Variants in RORB observed in about 807,000 individuals in gnomAD.
RORB encodes the protein nuclear receptor ROR-beta.
Under a neutral mutation model 59.1 loss-of-function variants are expected in RORB, and 6 were observed. The observed-to-expected ratio is 0.10, with a 90% confidence interval of 0.06 to 0.20. The LOEUF is 0.20. Among genes scored for constraint, RORB ranks in the 10% least tolerant of loss-of-function variants. RORB has a pLI of 1.00. For synonymous variants in RORB, 215 were observed against 204.5 expected (o/e 1.05, Z -0.44); for missense variants, 320 against 560.5 (o/e 0.57, Z 4.33).
At chr9:74,648,125 C>T (rs1823929282) in intron 4 of RORB, among the ~76,000 whole-genome samples, 1 of 152,156 alleles carries the variant, frequency 6.6e-6, no homozygotes, top group Admixed American at 6.5e-5. Context: ...GTAGACCAAA[C>T]TTGCAAGAAA....
At chr9:74,547,082 A>C (rs1826509447) in intron 1 of RORB, among the ~76,000 whole-genome samples, 1 of 152,190 alleles carries the variant, frequency 6.6e-6, no homozygotes, top group African/African-American at 2.4e-5. Context: ...TGACAGAGAG[A>C]GACTCCATCT....
intron 4 of RORB, among the ~76,000 whole-genome samples, chr9:74,643,477 G>C (rs563177643): frequency 6.6e-6 from 1 of 152,328 alleles, no homozygotes; most frequent in South Asian, 2.1e-4. Flanking sequence ...TTCCTAAGGA[G>C]CGATCTTCAA....
rs532804785 is a variant in RORB at position 74,660,004 on chromosome 9, T to G, written c.638-613T>G. On this transcript the variant is annotated intron_variant, in intron 4 of 9. Coordinates refer to ENST00000376896, the MANE Select transcript of RORB (RefSeq NM_006914.4). ...ATCATTATCAACTCATAGCCAATATTGTATTGTGTACACCACCTCTCCTAT... is the reference window on the plus strand; with the variant it reads ...ATCATTATCAACTCATAGCCAATATGGTATTGTGTACACCACCTCTCCTAT... Among the ~76,000 whole-genome samples, 6 of 152,302 alleles carry G rather than the reference T, an allele frequency of 3.9e-5. No homozygotes were observed. The East Asian group carries it at 1.2e-3, about 29-fold the overall frequency.
At chr9:74,678,308 C>T (rs927728439) in intron 9 of RORB, among the ~76,000 whole-genome samples, 7 of 152,272 alleles carry the variant, frequency 4.6e-5, no homozygotes, top group African/African-American at 1.7e-4. Context: ...CTCTTTCCAG[C>T]TCAGACCTCT....
chr9:74,585,029 A>C (rs2118267841), intron 1 of RORB, among the ~76,000 whole-genome samples: 1 of 152,340 alleles, frequency 6.6e-6, no homozygotes. Flanking sequence ...TCTCAGCCCT[A>C]ATGCAGTGGT....
chr9:74,654,467 T>C (rs1824048785), intron 4 of RORB, among the ~76,000 whole-genome samples: 1 of 152,136 alleles, frequency 6.6e-6, no homozygotes, highest in Non-Finnish European at 1.5e-5. Context: ...TCTATAATTA[T>C]TGCACACACT....
At chr9:74,680,591 TA>T (rs1332597802) in intron 9 of RORB, among the ~76,000 whole-genome samples, 1 of 152,178 alleles carries the variant, frequency 6.6e-6, no homozygotes, top group African/African-American at 2.4e-5. Context: ...GGGCAGGGCT[TA>T]TGACCCAGAA....
chr9:74,518,978 G>T lies in RORB; in HGVS notation c.7+20995G>T, dbSNP rs528748786. On this transcript the variant is annotated intron_variant, in intron 1 of 9. Transcript: ENST00000376896. Reference sequence around the variant, plus strand: ...ACAATATTCATTAGAACTATAGTAAGGTAAGGGTCGTGTATATCAAAAGAA... The same window carrying T: ...ACAATATTCATTAGAACTATAGTAATGTAAGGGTCGTGTATATCAAAAGAA... Among the ~76,000 whole-genome samples the T allele has an allele frequency of 4.6e-5, 7 of 152,056 alleles. No homozygotes were observed. In the South Asian group the frequency reaches 1.5e-3, roughly 32 times the overall value.
intron 1 of RORB, among the ~76,000 whole-genome samples, chr9:74,575,629 A>G (rs1416283456): frequency 6.6e-6 from 1 of 152,118 alleles, no homozygotes; most frequent in Non-Finnish European, 1.5e-5. Context: ...TAATTATTTC[A>G]AAAGGCCCAA....
chr9:74,677,635 C>A (rs1218174382), intron 9 of RORB, among the ~76,000 whole-genome samples: 1 of 152,190 alleles, frequency 6.6e-6, no homozygotes, highest in East Asian at 1.9e-4. Context: ...CCCCTGCCTA[C>A]TCCACACACA....
chr9:74,589,715 G>T (rs574337842), intron 1 of RORB, among the ~76,000 whole-genome samples: 1 of 152,058 alleles, frequency 6.6e-6, no homozygotes, highest in Non-Finnish European at 1.5e-5. Flanking sequence ...GGGTGCCCTC[G>T]CATGAACCCC....
intron 4 of RORB, among the ~76,000 whole-genome samples, chr9:74,651,380 C>T (rs531383171): frequency 4.9e-4 from 75 of 152,138 alleles, no homozygotes; most frequent in African/African-American, 1.8e-3. Context: ...ACTAAAAATA[C>T]AAAAATTATC....
intron 1 of RORB, among the ~76,000 whole-genome samples, chr9:74,516,941 T>TG (rs941101481): frequency 1.0e-3 from 158 of 152,192 alleles, no homozygotes; most frequent in African/African-American, 3.6e-3. Flanking sequence ...GTTTTTTACA[T>TG]AGCTGTGGAA....
At chr9:74,520,714 T>C (rs1263473985) in intron 1 of RORB, among the ~76,000 whole-genome samples, 3 of 151,914 alleles carry the variant, frequency 2.0e-5, no homozygotes, top group Non-Finnish European at 4.4e-5. Flanking sequence ...GAATTTAATA[T>C]GCCTTTTATA....
At chr9:74,562,162 C>A (rs1822405056) in intron 1 of RORB, among the ~76,000 whole-genome samples, 1 of 152,094 alleles carries the variant, frequency 6.6e-6, no homozygotes, top group Admixed American at 6.6e-5. Flanking sequence ...TACCCTTGAA[C>A]CCTTGAAAAC....
At chr9:74,515,750 T>C (rs541438589) in intron 1 of RORB, among the ~76,000 whole-genome samples, 4 of 152,172 alleles carry the variant, frequency 2.6e-5, no homozygotes, top group African/African-American at 9.6e-5. Context: ...CAACACACTA[T>C]GGCATTCCCA....
chr9:74,594,435 A>G (rs1324699900), intron 1 of RORB, among the ~76,000 whole-genome samples: 2 of 152,206 alleles, frequency 1.3e-5, no homozygotes, highest in East Asian at 3.8e-4. Flanking sequence ...ACTCCTTAAG[A>G]CATATTCAAA....
At chr9:74,597,876 T>A (rs1054302160) in intron 1 of RORB, among the ~76,000 whole-genome samples, 7 of 151,934 alleles carry the variant, frequency 4.6e-5, no homozygotes, top group African/African-American at 1.2e-4. Flanking sequence ...GAGAATCGCT[T>A]GAACCCGGGA....
At chr9:74,601,701 C>T (rs1280595104) in intron 1 of RORB, among the ~76,000 whole-genome samples, 1 of 152,096 alleles carries the variant, frequency 6.6e-6, no homozygotes, top group African/African-American at 2.4e-5. Context: ...ATCCTATTTG[C>T]CCACCTGTCT....
Sources: allele counts gnomAD v4.1 joint callset (sites outside exome capture counted in the v4.1 genomes callset), GRCh38; gene constraint gnomAD v4.1.1; transcripts MANE v1.5; gene names NCBI Gene and HGNC (gene_info 2026-07-23, HGNC 2026-07-21).